The following TMEM268 variants were observed in gnomAD, a reference collection of about 807,000 sequenced individuals.
The protein encoded by TMEM268 is transmembrane protein 268.
A neutral mutation model predicts 39.1 loss-of-function variants in TMEM268; 24 were observed. The observed-to-expected ratio is 0.61, with a 90% CI of 0.44 to 0.86. The LOEUF is 0.86. TMEM268 is among the 40% of genes least tolerant of loss of function. The pLI is 0.00. For missense variants in TMEM268, 409 were observed against 428.6 expected (o/e 0.95, Z 0.40); for synonymous variants, 176 against 173.5 (o/e 1.01, Z -0.12).
chr9:114,624,307 A>G (rs1846067598), intron 2 of TMEM268, 43 bp from the exon 3 acceptor site: 2 of 1,560,044 alleles, frequency 1.3e-6, no homozygotes, highest in East Asian at 2.4e-5. Flanking sequence ...CGAGCCTGGT[A>G]TGGTTATCAC....
At chr9:114,628,372 C>A in intron 5 of TMEM268, 122 bp downstream of exon 5, 1 of 1,077,794 alleles carries the variant, frequency 9.3e-7, no homozygotes, top group East Asian at 2.5e-5. Context: ...CACACTAGCC[C>A]GTAAGCCCAG....
At chr9:114,608,618 T>C (rs1202087836), upstream of TMEM268, among the ~76,000 whole-genome samples, 1 of 152,236 alleles carries the variant, frequency 6.6e-6, no homozygotes, top group Non-Finnish European at 1.5e-5. Context: ...GCAGGATCCC[T>C]TTTAATATCC....
At chr9:114,627,238 G>GGCAGAGCTTGGGATTGGGAGTCT (rs1158191782) in intron 4 of TMEM268, among the ~76,000 whole-genome samples, 3 of 152,152 alleles carry the variant, frequency 2.0e-5, no homozygotes, top group African/African-American at 7.2e-5. Context: ...GTTTACTGTG[G>GGCAGAGCTTGGGATTGGGAGTCT]GCAGAGCTTG....
chr9:114,622,918 G>T (rs1462510607), intron 2 of TMEM268, among the ~76,000 whole-genome samples: 1 of 151,948 alleles, frequency 6.6e-6, no homozygotes, highest in East Asian at 2.0e-4. Context: ...TGGCGAAACT[G>T]TGTCTCTACT....
chr9:114,631,980 G>A (rs1206319317), intron 5 of TMEM268, among the ~76,000 whole-genome samples: 1 of 151,652 alleles, frequency 6.6e-6, no homozygotes, highest in African/African-American at 2.4e-5. Flanking sequence ...ATGCATGTGT[G>A]GTCCCAGCTG....
intron 5 of TMEM268, 148 bp downstream of exon 5, chr9:114,628,398 A>G (rs1422346097): frequency 1.2e-6 from 1 of 822,164 alleles, no homozygotes; most frequent in Non-Finnish European, 1.9e-6. Flanking sequence ...AAAAGAAATC[A>G]AATTGTGTAT....
intron 2 of TMEM268, among the ~76,000 whole-genome samples, chr9:114,623,383 C>T (rs10114053): frequency 0.88 from 134,341 of 152,132 alleles, 59,416 homozygotes; most frequent in Non-Finnish European, 0.9. Flanking sequence ...TGACCTCAGG[C>T]GATCCATCTG....
At position 114,633,828 on chromosome 9, in the gene TMEM268, G is replaced by A. The variant is rs761744992; in HGVS notation, c.535G>A (p.Val179Met). ...CAATGGAGCCCTCCTGAGACACCGG[G>A]TGCTGCTGGGGGTGACAGACACAGT... ...AANGALLRHRVLLGVTDTVEG... is the reference protein window; with the variant it reads ...AANGALLRHRMLLGVTDTVEG... The change falls in exon 6 of 9, where the codon GTG (valine) becomes ATG (methionine). Residue 179 changes from valine to methionine, a missense_variant. Val to Met is a conservative substitution (Grantham distance 21). Coordinates refer to ENST00000288502, the MANE Select transcript of TMEM268 (RefSeq NM_153045.4). The A allele has an allele frequency of 1.9e-6, 3 of 1,607,662 alleles. No homozygotes were observed. The highest frequency in any genetic ancestry group is 3.4e-5 in the Admixed American group (2 of 59,016).
intron 2 of TMEM268, among the ~76,000 whole-genome samples, chr9:114,621,532 A>AATAATTGC (rs1416523626): frequency 2.0e-5 from 3 of 152,198 alleles, no homozygotes; most frequent in African/African-American, 7.2e-5. Context: ...TATGTAATCA[A>AATAATTGC]ATAATTGCAT....
upstream of TMEM268, among the ~76,000 whole-genome samples, chr9:114,607,386 T>G (rs1250526587): frequency 6.6e-6 from 1 of 152,200 alleles, no homozygotes; most frequent in African/African-American, 2.4e-5. Flanking sequence ...CTGGACGCAG[T>G]GGCTTACACC....
the TMEM268 span, among the ~76,000 whole-genome samples, chr9:114,604,325 C>T: frequency 6.6e-6 from 1 of 152,046 alleles, no homozygotes; most frequent in African/African-American, 2.4e-5. Flanking sequence ...CACCTGTAAT[C>T]CCAGCACTTT....
At position 114,621,959 on chromosome 9, in the gene TMEM268, C is replaced by T. The variant is rs12555351; in HGVS notation, c.107-2391C>T. ...GGCATTGGTGTCATCTGATCTGCACCCTGGCCACTGTGTGGAAGATGCATT... is the reference window on the plus strand; with the variant it reads ...GGCATTGGTGTCATCTGATCTGCACTCTGGCCACTGTGTGGAAGATGCATT... On this transcript the variant is annotated intron_variant, in intron 2 of 8. Coordinates refer to ENST00000288502, the MANE Select transcript of TMEM268 (RefSeq NM_153045.4). The T allele has an allele frequency of 1.0e-2, 3,361 of 337,436 alleles. 124 individuals are homozygous for T. The highest frequency in any genetic ancestry group is 0.073 in the Admixed American group (1,136 of 15,486). The allele number at this position is 337,436 out of a possible 1,614,324, so 20.9% of individuals were successfully genotyped here.
chr9:114,621,315 C>T (rs564622260), intron 2 of TMEM268, among the ~76,000 whole-genome samples: 1 of 146,512 alleles, frequency 6.8e-6, no homozygotes, highest in African/African-American at 2.5e-5. Context: ...CACTGCACTC[C>T]AGCCTGGGTG....
Position 114,617,249 on chromosome 9 carries a change from C to T in TMEM268, c.54C>T (p.Ser18=), listed in dbSNP as rs369771328. ...GGGCCACTGGCCCATTGCCCCCCTC[C>T]TCCCCTGGCTGGAGTGCCCTGCCTG... ...DPGATGPLPP[S]SPGWSALPGG... Residue 18 remains serine (S), a synonymous_variant, in exon 2 of 9, where the codon TCC becomes TCT. Transcript: ENST00000288502. 5.6e-6 allele frequency: 9 copies of T among 1,613,092 alleles called. No homozygotes were observed. The highest frequency in any genetic ancestry group is 7.6e-6 in the Non-Finnish European group (9 of 1,179,618).
rs1419070285 is a variant in TMEM268, at chr9:114,628,228, T to C, written c.452T>C (p.Val151Ala). ...AGCCTGACCTTGACTCTTGTGCTGG[T>C]CTTTGAAAGACACCAGAAGAAGGTG... ...AVSLTLTLVL[V>A]FERHQKKANT... Residue 151 changes from valine to alanine, a missense_variant, in exon 5 of 9, where the codon GTC becomes GCC. Val to Ala is a moderately conservative substitution (Grantham distance 64). Coordinates refer to ENST00000288502, the MANE Select transcript of TMEM268 (RefSeq NM_153045.4). 1 of 1,614,106 alleles carries C rather than the reference T, an allele frequency of 6.2e-7. No individual in the cohort carries two copies. Among genetic ancestry groups the C allele is most frequent in the East Asian group, 2.2e-5 (1 of 44,890 alleles).
chr9:114,631,522 A>G (rs1039328733), intron 5 of TMEM268, among the ~76,000 whole-genome samples: 5 of 152,258 alleles, frequency 3.3e-5, no homozygotes, highest in African/African-American at 1.2e-4. Context: ...CATCCTTATT[A>G]TACTCCTCTG....
At chr9:114,606,860 G>GAA (rs57403545), upstream of TMEM268, among the ~76,000 whole-genome samples, 1 of 144,102 alleles carries the variant, frequency 6.9e-6, no homozygotes, top group African/African-American at 2.5e-5. Context: ...AGCTCCAAAA[G>GAA]AAAAAAAAAA....
intron 2 of TMEM268, among the ~76,000 whole-genome samples, chr9:114,618,246 T>G (rs1313605141): frequency 6.6e-6 from 1 of 152,170 alleles, no homozygotes; most frequent in Non-Finnish European, 1.5e-5. Context: ...TCCATGGGGC[T>G]TAGTGTGAAG....
At chr9:114,638,843 C>G (rs1846763340) in intron 8 of TMEM268, 117 bp downstream of exon 8, 1 of 662,390 alleles carries the variant, frequency 1.5e-6, no homozygotes, top group African/African-American at 1.9e-5. Context: ...TAGTAGACAC[C>G]ACACAAATCT....
Sources: gnomAD v4.1 joint callset for allele counts (sites outside exome capture counted in the v4.1 genomes callset) on GRCh38, gnomAD v4.1.1 for gene constraint, MANE v1.5 for transcripts, NCBI Gene and HGNC (gene_info 2026-07-23, HGNC 2026-07-21) for gene names.